LSAMP: variants seen among roughly 807,000 people sequenced by gnomAD.
LSAMP encodes the protein limbic system associated membrane protein.
Under a neutral mutation model 38.6 loss-of-function variants are expected in LSAMP, and 7 were observed. That is an observed-to-expected ratio of 0.18 (90% CI 0.10 to 0.34). The LOEUF is 0.34. Ranked by LOEUF, LSAMP falls within the 10% of genes least tolerant of loss-of-function variation. The pLI is 1.00. For synonymous variants in LSAMP, 154 were observed against 166.8 expected, an observed-to-expected ratio of 0.92 and a Z score of 0.59; for missense variants, 313 against 420.0, an observed-to-expected ratio of 0.75 and a Z score of 2.23.
At chr3:116,279,017 G>GCTTTTT (rs1027694687) in intron 1 of LSAMP, among the ~76,000 whole-genome samples, 3 of 152,112 alleles carry the variant, frequency 2.0e-5, no homozygotes, top group African/African-American at 7.2e-5. Flanking sequence ...CCTAGTTTTT[G>GCTTTTT]CTTTTTCTGT....
intron 1 of LSAMP, among the ~76,000 whole-genome samples, chr3:116,389,796 C>T (rs964467285): frequency 2.0e-5 from 3 of 151,950 alleles, no homozygotes; most frequent in Admixed American, 2.0e-4. Flanking sequence ...ATATTGACAT[C>T]AATATAACTA....
At chr3:116,262,514 A>G (rs1301559412) in intron 1 of LSAMP, among the ~76,000 whole-genome samples, 1 of 152,204 alleles carries the variant, frequency 6.6e-6, no homozygotes, top group African/African-American at 2.4e-5. Flanking sequence ...TAAGATGCCC[A>G]AGCCCTGTCT....
At chr3:116,224,259 C>T (rs1193216028) in intron 1 of LSAMP, among the ~76,000 whole-genome samples, 1 of 152,198 alleles carries the variant, frequency 6.6e-6, no homozygotes, top group East Asian at 1.9e-4. Context: ...TAGTAATGCT[C>T]ACTTAATTAG....
At chr3:116,293,378 A>C (rs2047292962) in intron 1 of LSAMP, among the ~76,000 whole-genome samples, 1 of 151,460 alleles carries the variant, frequency 6.6e-6, no homozygotes, top group Non-Finnish European at 1.5e-5. Flanking sequence ...TAGAATAATA[A>C]TGTTTTATTT....
Position 116,088,365 on chromosome 3 carries a change from G to A in LSAMP, c.156-1809C>T, listed in dbSNP as rs78973520. 9.8e-3 allele frequency among the ~76,000 whole-genome samples: 1,497 copies of A among 152,136 alleles called. 56 individuals carry two copies. The highest frequency in any genetic ancestry group is 0.066 in the Admixed American group (1,010 of 15,278). On this transcript the variant is annotated intron_variant, in intron 1 of 6. Transcript: ENST00000490035. ...AATTTATGTGTTTAATAATTTAGAG[G>A]CCTTTTATCATGAGCACCAAGCTAA...
chr3:116,009,037 T>G (rs1940248103), intron 3 of LSAMP, among the ~76,000 whole-genome samples: 1 of 152,198 alleles, frequency 6.6e-6, no homozygotes, highest in African/African-American at 2.4e-5. Context: ...AGGAAAAACC[T>G]TATTTCTCAA....
intron 3 of LSAMP, among the ~76,000 whole-genome samples, chr3:115,911,854 A>G (rs1937142879): frequency 6.6e-6 from 1 of 152,164 alleles, no homozygotes; most frequent in Admixed American, 6.5e-5. Flanking sequence ...TGGTGTTGCC[A>G]TATTTTTTAT....
At chr3:116,225,428 C>A (rs2046332003) in intron 1 of LSAMP, among the ~76,000 whole-genome samples, 1 of 152,138 alleles carries the variant, frequency 6.6e-6, no homozygotes, top group Non-Finnish European at 1.5e-5. Flanking sequence ...ATTGCCACAC[C>A]TTGACTGTGG....
intron 1 of LSAMP, among the ~76,000 whole-genome samples, chr3:116,414,544 A>C (rs1187444539): frequency 6.6e-6 from 1 of 152,084 alleles, no homozygotes; most frequent in East Asian, 1.9e-4. Flanking sequence ...CAATCGTCCA[A>C]CGTTTGGTTC....
At chr3:116,271,616 A>G (rs555950752) in intron 1 of LSAMP, among the ~76,000 whole-genome samples, 1 of 152,200 alleles carries the variant, frequency 6.6e-6, no homozygotes, top group South Asian at 2.1e-4. Flanking sequence ...AATATTGAGC[A>G]AAAACATTCT....
intron 1 of LSAMP, among the ~76,000 whole-genome samples, chr3:116,420,094 T>C (rs978595250): frequency 2.6e-5 from 4 of 150,946 alleles, no homozygotes; most frequent in Non-Finnish European, 5.9e-5. Flanking sequence ...TTTTCTCTTT[T>C]TCTTTTCTTT....
At chr3:116,400,206 T>G (rs2048820185) in intron 1 of LSAMP, among the ~76,000 whole-genome samples, 1 of 152,094 alleles carries the variant, frequency 6.6e-6, no homozygotes, top group Non-Finnish European at 1.5e-5. Context: ...CTAATGAGGT[T>G]TCCCTTTTTT....
chr3:116,175,890 A>G (rs1710326971), intron 1 of LSAMP, among the ~76,000 whole-genome samples: 1 of 152,180 alleles, frequency 6.6e-6, no homozygotes, highest in African/African-American at 2.4e-5. Flanking sequence ...GAAAACTCAC[A>G]CTGAAGGATA....
intron 1 of LSAMP, among the ~76,000 whole-genome samples, chr3:116,330,904 T>C (rs11925640): frequency 0.11 from 17,099 of 152,054 alleles, 1,362 homozygotes; most frequent in African/African-American, 0.23. Context: ...CATTCAGATA[T>C]ATAAAAATGA....
intron 1 of LSAMP, among the ~76,000 whole-genome samples, chr3:116,288,207 C>T (rs1243361338): frequency 6.6e-6 from 1 of 152,166 alleles, no homozygotes; most frequent in African/African-American, 2.4e-5. Context: ...GGAGGTGGCA[C>T]TCATGCTCTC....
At chr3:115,978,970 A>C (rs1212499954) in intron 3 of LSAMP, among the ~76,000 whole-genome samples, 1 of 152,264 alleles carries the variant, frequency 6.6e-6, no homozygotes, top group Non-Finnish European at 1.5e-5. Context: ...AGGAATAAGA[A>C]ATTTATTTAT....
chr3:115,842,785 A>G (rs1269345326), intron 4 of LSAMP, among the ~76,000 whole-genome samples: 1 of 152,218 alleles, frequency 6.6e-6, no homozygotes, highest in African/African-American at 2.4e-5. Context: ...ATGAAAACAT[A>G]GACTTGGTTT....
At chr3:116,139,476 G>C (rs1490655797) in intron 1 of LSAMP, among the ~76,000 whole-genome samples, 1 of 151,954 alleles carries the variant, frequency 6.6e-6, no homozygotes, top group Non-Finnish European at 1.5e-5. Context: ...AGAAGGTAAA[G>C]ACTAAATTCT....
intron 1 of LSAMP, among the ~76,000 whole-genome samples, chr3:116,233,412 C>CAAAA (rs3028677): frequency 0.02 from 1,399 of 69,546 alleles, 92 homozygotes; most frequent in Non-Finnish European, 0.021. Context: ...GACTCTGTCT[C>CAAAA]AAAAAAAAAA....
Sources: gnomAD v4.1 joint callset for allele counts (sites outside exome capture counted in the v4.1 genomes callset) on GRCh38, gnomAD v4.1.1 for gene constraint, MANE v1.5 for transcripts, NCBI Gene and HGNC (gene_info 2026-07-23, HGNC 2026-07-21) for gene names.